The following NEDD4 variants were observed in gnomAD, a reference collection of about 807,000 sequenced individuals.
NEDD4 encodes the protein E3 ubiquitin-protein ligase NEDD4.
In NEDD4, 99 loss-of-function variants were observed where a neutral mutation model predicts 144.9. The observed-to-expected ratio is 0.68, with a 90% CI of 0.58 to 0.81. NEDD4 has a LOEUF of 0.81. Among genes scored for constraint, NEDD4 ranks in the 30% least tolerant of loss-of-function variants. The probability of loss-of-function intolerance (pLI) is 0.00; values close to 1 mark genes in which losing one functional copy is unlikely to be tolerated. For synonymous variants in NEDD4, 318 were observed against 350.6 expected (o/e 0.91, Z 1.04); for missense variants, 985 against 1,065.9 (o/e 0.92, Z 1.06).
chr15:55,903,133 T>C (rs577814717), intron 5 of NEDD4, among the ~76,000 whole-genome samples: 36 of 152,376 alleles, frequency 2.4e-4, no homozygotes, highest in Admixed American at 9.1e-4. Context: ...ATCTGGACTA[T>C]ACATTCTTCA....
intron 5 of NEDD4, among the ~76,000 whole-genome samples, chr15:55,898,497 C>G (rs569261817): frequency 6.6e-6 from 1 of 152,104 alleles, no homozygotes; most frequent in African/African-American, 2.4e-5. Context: ...TTGATGCTTA[C>G]AATAATTTCA....
chr15:55,911,429 C>T (rs1193317092), intron 5 of NEDD4, among the ~76,000 whole-genome samples: 3 of 152,122 alleles, frequency 2.0e-5, no homozygotes, highest in African/African-American at 7.2e-5. Context: ...CTCTGGGAAA[C>T]CTTCCTCTAC....
chr15:55,895,063 C>A (rs1382298083), intron 5 of NEDD4, among the ~76,000 whole-genome samples: 4 of 152,074 alleles, frequency 2.6e-5, no homozygotes, highest in African/African-American at 9.7e-5. Flanking sequence ...AGGAAAATAA[C>A]AAGAGAACTA....
intron 22 of NEDD4, 23 bp from the exon 23 acceptor site, chr15:55,838,203 G>C (rs758913476): frequency 2.0e-6 from 3 of 1,501,644 alleles, no homozygotes; most frequent in African/African-American, 2.8e-5. Flanking sequence ...ACAATAACTT[G>C]ATATGTTATT....
At chr15:55,971,246 C>T (rs114087436) in intron 1 of NEDD4, among the ~76,000 whole-genome samples, 2,248 of 152,032 alleles carry the variant, frequency 0.015, 57 homozygotes, top group African/African-American at 0.052. Context: ...TGAAAATATA[C>T]CGTCAGAGGT....
intron 1 of NEDD4, among the ~76,000 whole-genome samples, chr15:55,971,624 C>CAAAAA (rs59537454): frequency 3.2e-5 from 4 of 124,608 alleles, no homozygotes; most frequent in Non-Finnish European, 3.5e-5. Context: ...GACTCTGTCT[C>CAAAAA]AAAAAAAAAA....
intron 1 of NEDD4, among the ~76,000 whole-genome samples, chr15:55,968,482 A>C (rs940882798): frequency 6.7e-6 from 1 of 149,982 alleles, no homozygotes; most frequent in Admixed American, 6.6e-5. Context: ...TCCTGTAGAC[A>C]TATCTAAAAT....
In NEDD4 at chr15:55,839,931, C is replaced by T. The variant is rs150079421; in HGVS notation, c.2031+516G>A. Among the ~76,000 whole-genome samples, 96 of 129,930 alleles carry T rather than the reference C, an allele frequency of 7.4e-4. 1 individual carries two copies. The East Asian group carries it at 0.016, about 22-fold the overall frequency. The allele number at this position is 129,930 out of a possible 152,430, so 85.2% of individuals were successfully genotyped here. A position where few individuals can be genotyped will look rare whatever the true frequency, so the allele number is the denominator to read the frequency against. ...CAGAGGTTGCAGTGAGCCAAGATCA[C>T]GCCACTGCACTCCAGCTTGGCAACA... On this transcript the variant is annotated intron_variant, in intron 21 of 28. Coordinates refer to ENST00000435532, the MANE Select transcript of NEDD4 (RefSeq NM_006154.4).
chr15:55,915,227 AT>A, intron 5 of NEDD4: 1 of 1,444,740 alleles, frequency 6.9e-7, no homozygotes, highest in Non-Finnish European at 9.3e-7. Context: ...TTCTCCAAAT[AT>A]TTCATTAAGT....
intron 8 of NEDD4, among the ~76,000 whole-genome samples, 158 bp downstream of exon 8, chr15:55,869,421 T>C (rs2142056684): frequency 6.6e-6 from 1 of 152,300 alleles, no homozygotes; most frequent in East Asian, 1.9e-4. Context: ...GGAAATATCC[T>C]TAGAGGGAAA....
chr15:55,945,933 TA>T (rs1358275419), intron 4 of NEDD4, among the ~76,000 whole-genome samples: 39 of 151,932 alleles, frequency 2.6e-4, no homozygotes, highest in African/African-American at 9.2e-4. Flanking sequence ...AAAGGAGAAA[TA>T]AAACCCTTTA....
chr15:55,909,058 A>G (rs1440536955), intron 5 of NEDD4, among the ~76,000 whole-genome samples: 2 of 152,188 alleles, frequency 1.3e-5, no homozygotes, highest in South Asian at 2.1e-4. Context: ...CTACTAAGGT[A>G]ATCAAAATGT....
intron 1 of NEDD4, among the ~76,000 whole-genome samples, chr15:55,973,909 GAAGAA>G (rs2037657030): frequency 1.3e-5 from 2 of 149,760 alleles, no homozygotes; most frequent in Middle Eastern, 6.9e-3. Context: ...AAAATTAGTA[GAAGAA>G]AAGAAATAAT....
chr15:55,986,273 G>A (rs1386918380), intron 1 of NEDD4, among the ~76,000 whole-genome samples: 1 of 152,156 alleles, frequency 6.6e-6, no homozygotes, highest in Non-Finnish European at 1.5e-5. Context: ...GACTTGACGA[G>A]AAATAGGATA....
In NEDD4 at chr15:55,840,619, G is replaced by A. The variant is rs2033458434; in HGVS notation, c.1947C>T (p.Gly649=). The A allele has an allele frequency of 6.2e-7, 1 of 1,614,052 alleles. No homozygotes were observed. Among genetic ancestry groups the A allele is most frequent in the Non-Finnish European group, 8.5e-7 (1 of 1,179,984 alleles). ...CTTAATACTAACCATCCAACAGTTT[G>A]CCATGATAAACTGCCATTCCAGCTA... ...GRVAGMAVYH[G]KLLDGFFIRP... Residue 649 remains glycine (G), a synonymous_variant, in exon 20 of 29, where the codon GGC becomes GGT. Coordinates refer to ENST00000435532, the MANE Select transcript of NEDD4 (RefSeq NM_006154.4).
intron 1 of NEDD4, among the ~76,000 whole-genome samples, chr15:55,969,218 C>A (rs1406558447): frequency 6.6e-6 from 1 of 152,208 alleles, no homozygotes; most frequent in Non-Finnish European, 1.5e-5. Flanking sequence ...AGTCAGCTTG[C>A]ACCCATGGAG....
intron 4 of NEDD4, among the ~76,000 whole-genome samples, chr15:55,928,493 A>T (rs2036718844): frequency 6.6e-6 from 1 of 152,184 alleles, no homozygotes; most frequent in South Asian, 2.1e-4. Context: ...CTTGTGTCCT[A>T]CAAATGTCCC....
At chr15:55,862,289 C>G (rs2034436776) in intron 9 of NEDD4, among the ~76,000 whole-genome samples, 1 of 151,494 alleles carries the variant, frequency 6.6e-6, no homozygotes, top group Non-Finnish European at 1.5e-5. Context: ...CTTTATAAGA[C>G]TATATGGAAG....
chr15:55,842,235 T>C, intron 18 of NEDD4, 72 bp from the exon 19 acceptor site: 1 of 1,277,950 alleles, frequency 7.8e-7, no homozygotes, highest in Non-Finnish European at 1.1e-6. Flanking sequence ...CTCATAAAGT[T>C]ATAACATTCC....
Sources: gnomAD v4.1 joint callset for allele counts (sites outside exome capture counted in the v4.1 genomes callset) on GRCh38, gnomAD v4.1.1 for gene constraint, MANE v1.5 for transcripts, NCBI Gene and HGNC (gene_info 2026-07-23, HGNC 2026-07-21) for gene names.